Variants in RBFOX1 observed in about 807,000 individuals in gnomAD.
The protein encoded by RBFOX1 is RNA binding protein fox-1 homolog 1.
Under a neutral mutation model 57.7 loss-of-function variants are expected in RBFOX1, and 8 were observed. That is an observed-to-expected ratio of 0.14 (90% CI 0.08 to 0.25). The LOEUF is 0.25. Ranked by LOEUF, RBFOX1 falls within the 10% of genes least tolerant of loss-of-function variation. RBFOX1 has a pLI of 1.00. For synonymous variants in RBFOX1, 326 were observed against 222.4 expected (o/e 1.47, Z -4.15); for missense variants, 611 against 548.5 (o/e 1.11, Z -1.14).
intron 4 of RBFOX1, among the ~76,000 whole-genome samples, chr16:5,981,160 G>A (rs764931101): frequency 2.0e-5 from 3 of 152,222 alleles, no homozygotes; most frequent in Non-Finnish European, 4.4e-5. Context: ...GACATTGGGT[G>A]ACTTAGGGAA....
chr16:7,158,689 CTGTGTGTT>C (rs1346321209), intron 4 of RBFOX1, among the ~76,000 whole-genome samples: 1 of 138,670 alleles, frequency 7.2e-6, no homozygotes, highest in East Asian at 2.4e-4. Flanking sequence ...TATGGTGTGT[CTGTGTGTT>C]TGTGTGGTGC....
chr16:6,898,897 T>C (rs895831202), intron 3 of RBFOX1, among the ~76,000 whole-genome samples: 5 of 101,200 alleles, frequency 4.9e-5, no homozygotes, highest in Non-Finnish European at 9.6e-5. Context: ...CGTGTGTGCA[T>C]CTCGTATGTG....
intron 4 of RBFOX1, among the ~76,000 whole-genome samples, chr16:7,115,788 C>T (rs1009848330): frequency 3.9e-5 from 6 of 152,306 alleles, no homozygotes; most frequent in Admixed American, 1.3e-4. Flanking sequence ...TAGCCTGCCC[C>T]GAAGGGGAGG....
chr16:6,324,946 T>C (rs1423425893), intron 2 of RBFOX1, among the ~76,000 whole-genome samples: 1 of 152,232 alleles, frequency 6.6e-6, no homozygotes, highest in African/African-American at 2.4e-5. Flanking sequence ...GAGTGTACTA[T>C]GTAGCTAAAT....
In RBFOX1 at chr16:5,352,480, A is replaced by G. The variant is rs115943339; in HGVS notation, c.219+112375A>G. Among the ~76,000 whole-genome samples, 994 of 152,020 alleles carry G rather than the reference A, an allele frequency of 6.5e-3. 10 individuals are homozygous for G. Among genetic ancestry groups the G allele is most frequent in the African/African-American group, 0.023 (956 of 41,462 alleles). On this transcript the variant is annotated intron_variant, in intron 1 of 2. Transcript: ENST00000585867. Reference sequence around the variant, plus strand: ...TTTTCTTTCGTTGGCTTTTTCTTGCACTCTCTGTCTCTTTATGCACACAGG... The same window carrying G: ...TTTTCTTTCGTTGGCTTTTTCTTGCGCTCTCTGTCTCTTTATGCACACAGG...
At chr16:6,569,310 C>T (rs2097311499) in intron 2 of RBFOX1, among the ~76,000 whole-genome samples, 1 of 152,172 alleles carries the variant, frequency 6.6e-6, no homozygotes, top group South Asian at 2.1e-4. Context: ...CATCTCATTG[C>T]TGTAGAATAG....
intron 1 of RBFOX1, among the ~76,000 whole-genome samples, chr16:6,136,138 C>T (rs964720335): frequency 4.6e-5 from 7 of 151,986 alleles, no homozygotes; most frequent in African/African-American, 1.7e-4. Context: ...TTTGTTAGAC[C>T]ATTGCTAAGC....
intron 4 of RBFOX1, among the ~76,000 whole-genome samples, chr16:7,173,249 G>A (rs973349586): frequency 2.6e-4 from 39 of 151,818 alleles, no homozygotes; most frequent in Admixed American, 6.6e-5. Flanking sequence ...TTCAAATTAC[G>A]CCACTGACTA....
chr16:7,100,440 A>G (rs921024803), intron 4 of RBFOX1, among the ~76,000 whole-genome samples: 4 of 152,080 alleles, frequency 2.6e-5, no homozygotes, highest in Non-Finnish European at 5.9e-5. Context: ...GTATATTTGA[A>G]TTTTCATAGA....
intron 2 of RBFOX1, among the ~76,000 whole-genome samples, chr16:6,525,653 GTC>G (rs1403678376): frequency 1.3e-5 from 2 of 152,046 alleles, no homozygotes; most frequent in Non-Finnish European, 2.9e-5. Context: ...AGAGAACCCC[GTC>G]TCTACTTCCT....
intron 1 of RBFOX1, among the ~76,000 whole-genome samples, chr16:5,269,642 G>A (rs1435840250): frequency 6.6e-6 from 1 of 152,228 alleles, no homozygotes; most frequent in African/African-American, 2.4e-5. Context: ...TATAGAAATA[G>A]GAAGTTGATT....
chr16:5,663,511 T>C (rs1363820820), intron 3 of RBFOX1, among the ~76,000 whole-genome samples: 2 of 151,956 alleles, frequency 1.3e-5, no homozygotes, highest in Non-Finnish European at 2.9e-5. Flanking sequence ...GGCTGAAAAA[T>C]CCTATTGAAT....
intron 14 of RBFOX1, among the ~76,000 whole-genome samples, chr16:7,707,190 G>A (rs138453924): frequency 6.6e-6 from 1 of 152,292 alleles, no homozygotes; most frequent in African/African-American, 2.4e-5. Context: ...GACACAGGCA[G>A]ATGGGCTTGA....
At chr16:6,976,248 C>T (rs2086815653) in intron 3 of RBFOX1, among the ~76,000 whole-genome samples, 1 of 152,094 alleles carries the variant, frequency 6.6e-6, no homozygotes, top group African/African-American at 2.4e-5. Flanking sequence ...AACTGAGGCA[C>T]GGGGCAGTTA....
chr16:6,245,023 A>G (rs2097561482), intron 1 of RBFOX1, among the ~76,000 whole-genome samples: 1 of 152,076 alleles, frequency 6.6e-6, no homozygotes. Flanking sequence ...CAGAGTACCA[A>G]TTAATATTAA....
chr16:6,917,960 C>G (rs1567871668), intron 3 of RBFOX1, among the ~76,000 whole-genome samples: 1 of 152,096 alleles, frequency 6.6e-6, no homozygotes, highest in Admixed American at 6.5e-5. Flanking sequence ...CTCAGGGTAG[C>G]CTACAGGAGA....
At chr16:6,084,336 C>G (rs1000089091) in intron 1 of RBFOX1, among the ~76,000 whole-genome samples, 43 of 152,128 alleles carry the variant, frequency 2.8e-4, no homozygotes, top group African/African-American at 9.7e-4. Flanking sequence ...CTCGACCTCC[C>G]AGACTCAGGT....
chr16:7,320,430 AG>A (rs2096526064), intron 4 of RBFOX1, among the ~76,000 whole-genome samples: 1 of 152,184 alleles, frequency 6.6e-6, no homozygotes, highest in African/African-American at 2.4e-5. Context: ...ATGGCTGCAT[AG>A]TATTCCATGG....
At chr16:7,040,896 T>TG (rs201958864) in intron 3 of RBFOX1, among the ~76,000 whole-genome samples, 3,481 of 140,428 alleles carry the variant, frequency 0.025, 143 homozygotes, top group African/African-American at 0.089. Flanking sequence ...GTTTTTTTTT[T>TG]GTTTTGTTTT....
Sources: allele counts gnomAD v4.1 joint callset (sites outside exome capture counted in the v4.1 genomes callset), GRCh38; gene constraint gnomAD v4.1.1; transcripts MANE v1.5; gene names NCBI Gene and HGNC (gene_info 2026-07-23, HGNC 2026-07-21).